ACSL1: variants seen among roughly 807,000 people sequenced by gnomAD.
ACSL1 encodes the protein acyl-CoA synthetase long chain family member 1.
In ACSL1, 41 loss-of-function variants were observed where a neutral mutation model predicts 98.4. That is an observed-to-expected ratio of 0.42 (90% CI 0.32 to 0.54). The LOEUF (loss-of-function observed/expected upper bound fraction) is 0.54. Ranked by LOEUF, ACSL1 falls within the 20% of genes least tolerant of loss-of-function variation. ACSL1 has a pLI of 0.13. For synonymous variants in ACSL1, 316 were observed against 322.7 expected, an observed-to-expected ratio of 0.98 and a Z score of 0.22; for missense variants, 734 against 883.1, an observed-to-expected ratio of 0.83 and a Z score of 2.14.
intron 17 of ACSL1, 82 bp from the exon 18 acceptor site, chr4:184,760,582 G>T (rs1185672071): frequency 3.2e-6 from 5 of 1,543,608 alleles, no homozygotes; most frequent in Non-Finnish European, 4.4e-6. Context: ...ACACTGAAAG[G>T]TATTTAATAC....
At chr4:184,787,346 G>A (rs187963336) in intron 3 of ACSL1, among the ~76,000 whole-genome samples, 74 of 152,332 alleles carry the variant, frequency 4.9e-4, no homozygotes, top group African/African-American at 1.7e-3. Flanking sequence ...TCGGGCTAGG[G>A]GGGCAGAATG....
chr4:184,770,855 G>A (rs1006425008), intron 10 of ACSL1, among the ~76,000 whole-genome samples: 4 of 152,230 alleles, frequency 2.6e-5, no homozygotes, highest in African/African-American at 7.2e-5. Context: ...GGGGCATGGT[G>A]GCTCACGCCT....
chr4:184,759,033 A>C, intron 18 of ACSL1, among the ~76,000 whole-genome samples: 1 of 151,918 alleles, frequency 6.6e-6, no homozygotes, highest in African/African-American at 2.4e-5. Context: ...TTTGCTGAGA[A>C]TGATGGTTTC....
chr4:184,799,513 A>C (rs1018914611), intron 2 of ACSL1, among the ~76,000 whole-genome samples: 1 of 151,890 alleles, frequency 6.6e-6, no homozygotes, highest in Non-Finnish European at 1.5e-5. Flanking sequence ...CATTTCCATC[A>C]CTACCTTTAG....
chr4:184,789,510 A>G (rs1260359556), intron 2 of ACSL1, among the ~76,000 whole-genome samples: 1 of 152,276 alleles, frequency 6.6e-6, no homozygotes, highest in Non-Finnish European at 1.5e-5. Flanking sequence ...CTTGCATAGC[A>G]TCTCTAACAG....
chr4:184,800,789 G>A (rs565549117), intron 2 of ACSL1, among the ~76,000 whole-genome samples: 9 of 152,324 alleles, frequency 5.9e-5, no homozygotes, highest in East Asian at 1.9e-4. Flanking sequence ...TGTCTGTCCT[G>A]TTCTCTAATT....
intron 14 of ACSL1, 111 bp from the exon 15 acceptor site, chr4:184,765,036 A>G: frequency 9.3e-7 from 1 of 1,071,528 alleles, no homozygotes. Flanking sequence ...GACTGGTGAA[A>G]TCTCATTTCA....
intron 1 of ACSL1, chr4:184,808,414 T>C (rs1435918777): frequency 6.1e-6 from 6 of 985,292 alleles, no homozygotes; most frequent in Non-Finnish European, 7.2e-6. Context: ...ATGGAATACT[T>C]CACTAGGAAT....
At chr4:184,794,795 G>A (rs557657266) in intron 2 of ACSL1, among the ~76,000 whole-genome samples, 14 of 152,256 alleles carry the variant, frequency 9.2e-5, no homozygotes, top group South Asian at 4.2e-4. Flanking sequence ...TTGAGGAGGC[G>A]GGGTCCAGGT....
intron 5 of ACSL1, among the ~76,000 whole-genome samples, chr4:184,777,409 G>A (rs909418936): frequency 6.9e-6 from 1 of 145,894 alleles, no homozygotes; most frequent in Admixed American, 6.8e-5. Context: ...AGTGAGCTGT[G>A]ATCACACCAG....
In ACSL1 at chr4:184,757,503, T is replaced by C; in HGVS notation, c.1956+132A>G. The C allele has an allele frequency of 2.0e-6, 2 of 987,876 alleles. No homozygotes were observed. Among genetic ancestry groups the C allele is most frequent in the Non-Finnish European group, 3.0e-6 (2 of 662,590 alleles). The allele number at this position is 987,876 out of a possible 1,614,324, so 61.2% of individuals were successfully genotyped here. A position where few individuals can be genotyped will look rare whatever the true frequency, so the allele number is the denominator to read the frequency against. On this transcript the variant is annotated intron_variant, in intron 20 of 20. Coordinates refer to ENST00000281455, the MANE Select transcript of ACSL1 (RefSeq NM_001995.5). The surrounding 1 kb of genome is among the most constrained non-coding windows in gnomAD (Gnocchi z 4.5). The stretch of plus-strand genomic sequence containing the variant: ...TTTTGATTTAAAAACCTTTCCCCTG[T>C]CAAACTACTCCATTATTTATTCCTC...
At chr4:184,819,684 A>C (rs1171715086) in intron 1 of ACSL1, among the ~76,000 whole-genome samples, 1 of 152,040 alleles carries the variant, frequency 6.6e-6, no homozygotes, top group Non-Finnish European at 1.5e-5. Flanking sequence ...GAGTGGAGAT[A>C]GCAGGTAGGA....
intron 17 of ACSL1, 68 bp downstream of exon 17, chr4:184,762,339 G>A: frequency 7.5e-7 from 1 of 1,336,286 alleles, no homozygotes; most frequent in Non-Finnish European, 1.1e-6. Context: ...CAGCTGCACA[G>A]TAGATAAGAC....
intron 10 of ACSL1, among the ~76,000 whole-genome samples, chr4:184,771,398 G>A (rs1764493412): frequency 6.6e-6 from 1 of 152,112 alleles, no homozygotes; most frequent in Non-Finnish European, 1.5e-5. Flanking sequence ...AAAGAAGGTG[G>A]ATTTCCAAGG....
intron 1 of ACSL1, among the ~76,000 whole-genome samples, chr4:184,806,385 TTCA>T (rs1398555241): frequency 6.6e-6 from 1 of 152,180 alleles, no homozygotes; most frequent in Non-Finnish European, 1.5e-5. Flanking sequence ...TCTAGTTGTC[TTCA>T]TCACCCTGCA....
intron 1 of ACSL1, among the ~76,000 whole-genome samples, chr4:184,816,322 T>C (rs1433752391): frequency 2.6e-5 from 4 of 151,968 alleles, no homozygotes; most frequent in Non-Finnish European, 5.9e-5. Flanking sequence ...GCTCATCGTA[T>C]TGGGAAGGAG....
chr4:184,787,319 C>T (rs73012215), intron 3 of ACSL1, among the ~76,000 whole-genome samples: 2,403 of 152,336 alleles, frequency 0.016, 65 homozygotes, highest in African/African-American at 0.055. Flanking sequence ...CTGATAACCA[C>T]CCTGTTCTCA....
At chr4:184,771,080 C>T (rs1452616403) in intron 10 of ACSL1, among the ~76,000 whole-genome samples, 2 of 152,014 alleles carry the variant, frequency 1.3e-5, no homozygotes, top group African/African-American at 2.4e-5. Flanking sequence ...GCCGAGATTG[C>T]ACCACTGCAC....
chr4:184,792,119 G>C (rs1768476377), intron 2 of ACSL1, among the ~76,000 whole-genome samples: 1 of 152,134 alleles, frequency 6.6e-6, no homozygotes, highest in African/African-American at 2.4e-5. Context: ...CTAAATCAAA[G>C]TTAAAGAAGT....
Sources: allele counts gnomAD v4.1 joint callset (sites outside exome capture counted in the v4.1 genomes callset), GRCh38; gene constraint gnomAD v4.1.1; non-coding constraint Gnocchi (gnomAD v3.1); transcripts MANE v1.5; gene names NCBI Gene and HGNC (gene_info 2026-07-23, HGNC 2026-07-21).